The following LYST variants were observed in gnomAD, a reference collection of about 807,000 sequenced individuals.
The protein encoded by LYST is lysosomal-trafficking regulator.
A neutral mutation model predicts 413.6 loss-of-function variants in LYST; 192 were observed. That is an observed-to-expected ratio of 0.46 (90% CI 0.41 to 0.52). The LOEUF (loss-of-function observed/expected upper bound fraction) is 0.52. Among genes scored for constraint, LYST ranks in the 20% least tolerant of loss-of-function variants. LYST has a pLI of 0.00. For synonymous variants in LYST, 1,525 were observed against 1,567.3 expected, an observed-to-expected ratio of 0.97 and a Z score of 0.64; for missense variants, 3,815 against 4,499.9, an observed-to-expected ratio of 0.85 and a Z score of 4.35.
intron 39 of LYST, among the ~76,000 whole-genome samples, chr1:235,721,159 AT>A (rs1663333679): frequency 6.6e-6 from 1 of 152,184 alleles, no homozygotes; most frequent in Admixed American, 6.5e-5. Context: ...AAAAGTTTGT[AT>A]AGAAAAGTCA....
At chr1:235,740,966 C>A (rs994220882) in intron 31 of LYST, among the ~76,000 whole-genome samples, 2 of 152,060 alleles carry the variant, frequency 1.3e-5, no homozygotes, top group Non-Finnish European at 2.9e-5. Flanking sequence ...CTCTGAAATT[C>A]TTTTAGGTAT....
At chr1:235,767,045 G>A (rs1320965322) in intron 20 of LYST, among the ~76,000 whole-genome samples, 1 of 151,948 alleles carries the variant, frequency 6.6e-6, no homozygotes, top group Non-Finnish European at 1.5e-5. Context: ...CTCAAACTCA[G>A]GCCTCTGAAC....
At chr1:235,836,215 T>C (rs1210518409) in intron 1 of LYST, among the ~76,000 whole-genome samples, 1 of 152,240 alleles carries the variant, frequency 6.6e-6, no homozygotes, top group East Asian at 1.9e-4. Flanking sequence ...GTTTCATCAA[T>C]ATGCCATTTA....
rs201134063 is a variant in LYST at position 235,756,194 on chromosome 1, CCT to C, written c.7060-549_7060-548del. On this transcript the variant is annotated intron_variant, in intron 24 of 52. Coordinates refer to ENST00000389793, the MANE Select transcript of LYST (RefSeq NM_000081.4). ...GTGTAATACCAAATTAATCCTTCCA[CCT>C]CTTTCTCCCCTTCAATGACTCTCAC... Among the ~76,000 whole-genome samples the C allele has an allele frequency of 4.0e-4, 61 of 152,226 alleles. 1 individual carries two copies. The East Asian group carries it at 0.011, about 28-fold the overall frequency.
chr1:235,847,646 C>T (rs185526635), intron 1 of LYST, among the ~76,000 whole-genome samples: 150 of 152,272 alleles, frequency 9.9e-4, no homozygotes, highest in African/African-American at 3.4e-3. Context: ...TATCTATTGC[C>T]TTCAGGATAC....
At chr1:235,736,692 C>A (rs1664850041) in intron 31 of LYST, 1 of 152,086 alleles carries the variant, frequency 6.6e-6, no homozygotes, top group African/African-American at 2.4e-5. Flanking sequence ...CTCTGTACTA[C>A]TATGTAATAA....
intron 44 of LYST, among the ~76,000 whole-genome samples, chr1:235,705,973 A>G (rs1661953239): frequency 6.6e-6 from 1 of 151,448 alleles, no homozygotes; most frequent in African/African-American, 2.4e-5. Context: ...TTGTATTTTT[A>G]GTAGAGACAG....
intron 1 of LYST, among the ~76,000 whole-genome samples, chr1:235,859,515 T>TA (rs59011777): frequency 0.062 from 9,310 of 151,250 alleles, 968 homozygotes; most frequent in African/African-American, 0.22. Flanking sequence ...TTTTTTTTTT[T>TA]AAATGTATCT....
intron 48 of LYST, among the ~76,000 whole-genome samples, chr1:235,677,982 T>C (rs570089729): frequency 6.6e-6 from 1 of 152,312 alleles, no homozygotes; most frequent in Admixed American, 6.5e-5. Flanking sequence ...TAATATTCTA[T>C]ACAGTTAGTA....
At chr1:235,846,316 A>C (rs1294387431) in intron 1 of LYST, among the ~76,000 whole-genome samples, 3 of 152,158 alleles carry the variant, frequency 2.0e-5, no homozygotes, top group African/African-American at 7.2e-5. Context: ...ATCCATAGGA[A>C]AAGGAGGAGT....
rs1672834915 is a variant in LYST at position 235,806,375 on chromosome 1, T to C, written c.2761A>G (p.Asn921Asp). 1 of 1,614,058 alleles carries C rather than the reference T, an allele frequency of 6.2e-7. No homozygotes were observed. The highest frequency in any genetic ancestry group is 8.5e-7 in the Non-Finnish European group (1 of 1,179,998). ...KEAESDRESA[N>D]DSEDTSGYDS... ...TAGCCAGAAGTATCTTCTGAGTCAT[T>C]GGCCGACTCCCTGTCAGACTCTGCT... is the stretch of plus-strand genomic sequence containing the variant. Residue 921 changes from asparagine (N) to aspartate (D), a missense_variant, in exon 6 of 53, where the codon AAT becomes GAT. Asn to Asp is a conservative substitution (Grantham distance 23). Around this residue, in one of 4 missense-constraint regions of LYST, gnomAD observed 1,648 missense variants for 1,810.3 expected, o/e 0.91. Transcript: ENST00000389793.
intron 3 of LYST, among the ~76,000 whole-genome samples, chr1:235,822,725 AT>A (rs1674890608): frequency 6.6e-6 from 1 of 152,222 alleles, no homozygotes; most frequent in South Asian, 2.1e-4. Flanking sequence ...GATAGAGTCT[AT>A]TTCCCCATCC....
At chr1:235,670,928 A>C (rs1264085365) in intron 50 of LYST, among the ~76,000 whole-genome samples, 1 of 152,224 alleles carries the variant, frequency 6.6e-6, no homozygotes, top group Non-Finnish European at 1.5e-5. Context: ...AAAAACTACA[A>C]AGAGCAAAGC....
At chr1:235,820,949 A>G (rs1414503775) in intron 3 of LYST, among the ~76,000 whole-genome samples, 1 of 152,196 alleles carries the variant, frequency 6.6e-6, no homozygotes, top group Non-Finnish European at 1.5e-5. Context: ...AACTTTGTTG[A>G]AAAGTTTTCT....
At position 235,723,704 on chromosome 1, in the gene LYST, T is replaced by C. The variant is rs188599380; in HGVS notation, c.9315+324A>G. On this transcript the variant is annotated intron_variant, in intron 39 of 52. Transcript: ENST00000389793. Reference sequence around the variant, plus strand: ...CTGGAGGCAGCAAGCATATGCAACTTTCCCCAACAGTTTTTCCATAAAGGA... The same window carrying C: ...CTGGAGGCAGCAAGCATATGCAACTCTCCCCAACAGTTTTTCCATAAAGGA... 1.5e-3 allele frequency among the ~76,000 whole-genome samples: 236 copies of C among 152,310 alleles called. 1 individual carries two copies. The highest frequency in any genetic ancestry group is 1.6e-3 in the Non-Finnish European group (108 of 68,022).
chr1:235,710,654 T>C (rs186746638), intron 43 of LYST, among the ~76,000 whole-genome samples: 1 of 152,326 alleles, frequency 6.6e-6, no homozygotes, highest in Admixed American at 6.5e-5. Flanking sequence ...ATCTTGCTAC[T>C]CTCCATCACA....
rs1010552187 is a variant in LYST at position 235,737,966 on chromosome 1, C to T, written c.8359-3307G>A. 1.1e-5 allele frequency: 15 copies of T among 1,357,880 alleles called. No homozygotes were observed. In the Admixed American group the frequency reaches 1.5e-4, roughly 14 times the overall value. 84.1% of individuals were successfully genotyped at this position (1,357,880 alleles called of 1,614,324 possible). The stretch of plus-strand genomic sequence containing the variant: ...CCAACACCCGCCGGACGTGCATTCT[C>T]GATTCCTTTTGTTTCCAAGTCCAAT... On this transcript the variant is annotated intron_variant, in intron 31 of 52. Transcript: ENST00000389793.
chr1:235,691,158 TC>T (rs1371029548), intron 47 of LYST, among the ~76,000 whole-genome samples: 1 of 152,142 alleles, frequency 6.6e-6, no homozygotes, highest in Non-Finnish European at 1.5e-5. Context: ...GACCTTGTGA[TC>T]CGCCCGCCTC....
intron 28 of LYST, among the ~76,000 whole-genome samples, chr1:235,750,553 A>G (rs867537449): frequency 2.0e-5 from 3 of 152,190 alleles, no homozygotes; most frequent in Admixed American, 2.0e-4. Context: ...GCATGTGTAC[A>G]TGCATATTTA....
Sources: gnomAD v4.1 joint callset for allele counts (sites outside exome capture counted in the v4.1 genomes callset) on GRCh38, gnomAD v4.1.1 for gene constraint, gnomAD v4.1.1 regional missense constraint, MANE v1.5 for transcripts, NCBI Gene and HGNC (gene_info 2026-07-23, HGNC 2026-07-21) for gene names.